Variants in DCHS2 observed in about 807,000 individuals in gnomAD.
DCHS2 encodes the protein protocadherin-23.
In DCHS2, 142 loss-of-function variants were observed where a neutral mutation model predicts 182.4. The ratio of observed to expected loss-of-function variants is 0.78; its 90% CI spans 0.68 to 0.89. DCHS2 has a LOEUF of 0.89. Ranked by LOEUF, DCHS2 falls within the 40% of genes least tolerant of loss-of-function variation. DCHS2 has a pLI of 0.00. For missense variants in DCHS2, 4,319 were observed against 4,198.6 expected (o/e 1.03, Z -0.79); for synonymous variants, 1,740 against 1,663.3 (o/e 1.05, Z -1.12).
intron 1 of DCHS2, among the ~76,000 whole-genome samples, chr4:154,415,048 G>A (rs1056239740): frequency 1.3e-5 from 2 of 152,180 alleles, no homozygotes; most frequent in African/African-American, 4.8e-5. Flanking sequence ...GTCCTCTTTA[G>A]CAGCTGTTCA....
intron 3 of DCHS2, among the ~76,000 whole-genome samples, chr4:154,350,709 A>G (rs1729568211): frequency 6.6e-6 from 1 of 151,442 alleles, no homozygotes; most frequent in Non-Finnish European, 1.5e-5. Flanking sequence ...AACACTTACC[A>G]TCTATTTTTT....
chr4:154,366,640 TACAC>T (rs1305338367), intron 2 of DCHS2, among the ~76,000 whole-genome samples, 199 bp from the exon 3 acceptor site: 1 of 151,642 alleles, frequency 6.6e-6, no homozygotes, highest in African/African-American at 2.4e-5. Flanking sequence ...TGTGTATATA[TACAC>T]ACACACACAG....
chr4:154,309,260 T>A (rs1349302220), intron 10 of DCHS2, among the ~76,000 whole-genome samples: 3 of 152,204 alleles, frequency 2.0e-5, no homozygotes, highest in African/African-American at 7.2e-5. Context: ...TGATGCTGGG[T>A]CTGGGGATCT....
chr4:154,349,003 T>C (rs1339014861), intron 3 of DCHS2, among the ~76,000 whole-genome samples: 1 of 152,018 alleles, frequency 6.6e-6, no homozygotes, highest in African/African-American at 2.4e-5. Context: ...GAAATGGAGA[T>C]AAAACTAGTT....
chr4:154,481,322 C>G (rs891235417), intron 1 of DCHS2, among the ~76,000 whole-genome samples: 1 of 152,228 alleles, frequency 6.6e-6, no homozygotes, highest in East Asian at 1.9e-4. Context: ...GGTGCAGTGG[C>G]GCAATCATGG....
intron 1 of DCHS2, among the ~76,000 whole-genome samples, chr4:154,410,825 T>A (rs1732600648): frequency 6.6e-6 from 1 of 152,162 alleles, no homozygotes; most frequent in Admixed American, 6.5e-5. Flanking sequence ...CTGAAGCACA[T>A]TATAATTAAC....
intron 1 of DCHS2, among the ~76,000 whole-genome samples, chr4:154,412,421 T>C (rs1038006444): frequency 6.6e-6 from 1 of 152,140 alleles, no homozygotes; most frequent in African/African-American, 2.4e-5. Context: ...TCAAGACATT[T>C]GGAATTCCAG....
In DCHS2 at chr4:154,391,389, C is replaced by A. The variant is rs1401256656; in HGVS notation, c.2053-13945G>T. On this transcript the variant is annotated intron_variant, in intron 1 of 19. Coordinates refer to ENST00000357232, the MANE Select transcript of DCHS2 (RefSeq NM_001358235.2). ...TGCTACAGGTTCACATATGGAAATA[C>A]CTCCATGACTTTCCACTTGCAGCAT... 7 of 1,451,342 alleles carry A rather than the reference C, an allele frequency of 4.8e-6. No homozygotes were observed. In the South Asian group the frequency reaches 8.7e-5, roughly 18 times the overall value. The allele number at this position is 1,451,342 out of a possible 1,614,324, so 89.9% of individuals were successfully genotyped here. A position where few individuals can be genotyped will look rare whatever the true frequency, so the allele number is the denominator to read the frequency against.
chr4:154,305,113 T>A lies in DCHS2; in HGVS notation c.5379A>T (p.Glu1793Asp). The A allele has an allele frequency of 6.2e-7, 1 of 1,610,512 alleles. No individual in the cohort carries two copies. Among genetic ancestry groups the A allele is most frequent in the East Asian group, 2.2e-5 (1 of 44,652 alleles). The change falls in exon 11 of 20, where the codon GAA becomes GAT. Residue 1793 changes from glutamate (E) to aspartate (D), a missense_variant. Glu to Asp is a conservative substitution (Grantham distance 45, BLOSUM62 2). Coordinates refer to ENST00000357232, the MANE Select transcript of DCHS2 (RefSeq NM_001358235.2). ...ATCCCTTACCTCGAAGGGTGAAGAC[T>A]TCTTGAATTTCTCTGTCAAGTATGG... ...TTTILDREIQ[E>D]VFTLRVLVRD... is the part of the protein sequence containing the mutation.
At chr4:154,338,052 AAC>A (rs1320211172) in intron 3 of DCHS2, among the ~76,000 whole-genome samples, 1 of 152,068 alleles carries the variant, frequency 6.6e-6, no homozygotes, top group Non-Finnish European at 1.5e-5. Context: ...CATATTTTAA[AAC>A]ACAGCTCAGG....
At chr4:154,369,547 G>A (rs1387551345) in intron 2 of DCHS2, among the ~76,000 whole-genome samples, 1 of 152,190 alleles carries the variant, frequency 6.6e-6, no homozygotes, top group Non-Finnish European at 1.5e-5. Context: ...GCAACCTCAT[G>A]AGAGACTGAG....
intron 3 of DCHS2, among the ~76,000 whole-genome samples, chr4:154,343,879 T>G (rs1729231220): frequency 6.6e-6 from 1 of 152,268 alleles, no homozygotes; most frequent in South Asian, 2.1e-4. Flanking sequence ...TTGGCTTATC[T>G]GCACTTTTGT....
At chr4:154,291,274 C>A (rs1734647315) in intron 13 of DCHS2, among the ~76,000 whole-genome samples, 1 of 151,308 alleles carries the variant, frequency 6.6e-6, no homozygotes, top group African/African-American at 2.4e-5. Flanking sequence ...GACTTATATC[C>A]AAAAGACAGG....
chr4:154,301,027 C>T (rs1246194494), intron 12 of DCHS2, among the ~76,000 whole-genome samples: 1 of 152,244 alleles, frequency 6.6e-6, no homozygotes, highest in East Asian at 1.9e-4. Flanking sequence ...ATCCTTATTC[C>T]TAAAATTGCT....
intron 1 of DCHS2, among the ~76,000 whole-genome samples, chr4:154,469,515 T>G (rs1430689219): frequency 6.6e-6 from 1 of 152,212 alleles, no homozygotes; most frequent in East Asian, 1.9e-4. Flanking sequence ...AATCAACATC[T>G]TCTTAATATG....
chr4:154,236,680 C>T lies in DCHS2; in HGVS notation c.7972G>A (p.Val2658Ile), dbSNP rs141059888. Reference protein sequence around the residue: ...TAVISIQVLDVNDNPPNFSSL... With the variant: ...TAVISIQVLDINDNPPNFSSL... The stretch of plus-strand genomic sequence containing the variant: ...CTGAAGTTTGGGGGATTGTCATTGA[C>T]ATCAAGTACTTGTATTGATATGACA... The change falls in exon 20 of 20, where the codon GTC becomes ATC. Residue 2658 changes from valine (V) to isoleucine (I), a missense_variant. Val to Ile is a conservative substitution (Grantham distance 29, BLOSUM62 3). Transcript: ENST00000357232. 17 of 1,613,876 alleles carry T rather than the reference C, an allele frequency of 1.1e-5. No homozygotes were observed. Among genetic ancestry groups the T allele is most frequent in the African/African-American group, 1.3e-5 (1 of 74,886 alleles).
chr4:154,417,200 TGTGTGAGAGAGAGA>T (rs1252318579), intron 1 of DCHS2, among the ~76,000 whole-genome samples: 76 of 47,926 alleles, frequency 1.6e-3, no homozygotes, highest in East Asian at 8.5e-3. Flanking sequence ...TGTGTGTGTG[TGTGTGAGAGAGAGA>T]GAGAGAGAGA....
intron 1 of DCHS2, among the ~76,000 whole-genome samples, chr4:154,401,154 C>T (rs112856806): frequency 7.2e-5 from 11 of 152,298 alleles, no homozygotes; most frequent in African/African-American, 2.6e-4. Flanking sequence ...ATAATGAGAT[C>T]ACACATGTGC....
chr4:154,417,605 TA>T (rs1029975540), intron 1 of DCHS2, among the ~76,000 whole-genome samples: 5 of 152,144 alleles, frequency 3.3e-5, no homozygotes, highest in African/African-American at 9.7e-5. Context: ...ATGATTATAC[TA>T]AAAACAAAAC....
Sources: gnomAD v4.1 joint callset for allele counts (sites outside exome capture counted in the v4.1 genomes callset) on GRCh38, gnomAD v4.1.1 for gene constraint, MANE v1.5 for transcripts, NCBI Gene and HGNC (gene_info 2026-07-23, HGNC 2026-07-21) for gene names.